Variants in SYN3 observed in about 807,000 individuals in gnomAD.
The protein encoded by SYN3 is synapsin III.
In SYN3, 35 loss-of-function variants were observed where a neutral mutation model predicts 65.8. The ratio of observed to expected loss-of-function variants is 0.53; its 90% CI spans 0.41 to 0.70. SYN3 has a LOEUF of 0.70. SYN3 is among the 30% of genes least tolerant of loss of function. SYN3 has a pLI of 0.00. For synonymous variants in SYN3, 270 were observed against 292.9 expected (o/e 0.92, Z 0.80); for missense variants, 680 against 749.0 (o/e 0.91, Z 1.08).
At chr22:32,566,990 G>C (rs2058680208) in intron 7 of SYN3, among the ~76,000 whole-genome samples, 1 of 152,136 alleles carries the variant, frequency 6.6e-6, no homozygotes, top group Admixed American at 6.5e-5. Context: ...GGGGCAGGCA[G>C]AGGTGCAGGA....
chr22:33,056,586 T>C (rs2054257825), intron 1 of SYN3, among the ~76,000 whole-genome samples: 1 of 152,236 alleles, frequency 6.6e-6, no homozygotes. Context: ...GAGACCTCTC[T>C]TGCACTGCAC....
intron 8 of SYN3, among the ~76,000 whole-genome samples, chr22:32,538,966 AC>A (rs1333847906): frequency 6.6e-6 from 1 of 152,060 alleles, no homozygotes; most frequent in Non-Finnish European, 1.5e-5. Context: ...CCCAGTAGGC[AC>A]CTACTGGGTG....
intron 6 of SYN3, among the ~76,000 whole-genome samples, chr22:32,649,470 T>G (rs1482514878): frequency 1.3e-5 from 2 of 152,216 alleles, no homozygotes; most frequent in Non-Finnish European, 2.9e-5. Flanking sequence ...CATTTACTAA[T>G]GAGGAAATTG....
chr22:33,018,664 C>T (rs1456950441), intron 1 of SYN3, among the ~76,000 whole-genome samples: 5 of 152,188 alleles, frequency 3.3e-5, no homozygotes, highest in Admixed American at 1.3e-4. Context: ...TGCCCCACAG[C>T]GGCAACAGCT....
chr22:33,024,560 A>T (rs989709138), intron 1 of SYN3, among the ~76,000 whole-genome samples: 2 of 152,198 alleles, frequency 1.3e-5, no homozygotes, highest in Admixed American at 1.3e-4. Context: ...CCAATCTTTG[A>T]TCTCACCCTT....
intron 6 of SYN3, among the ~76,000 whole-genome samples, chr22:32,745,485 G>T (rs2044904254): frequency 6.6e-6 from 1 of 152,192 alleles, no homozygotes; most frequent in Admixed American, 6.5e-5. Flanking sequence ...CTTGTCCAGG[G>T]AATGTGCAGC....
intron 2 of SYN3, among the ~76,000 whole-genome samples, chr22:33,001,312 T>C (rs765553100): frequency 2.6e-5 from 4 of 152,198 alleles, no homozygotes; most frequent in Non-Finnish European, 4.4e-5. Context: ...TGGTCCTTCC[T>C]GTGGAATAGA....
intron 1 of SYN3, among the ~76,000 whole-genome samples, chr22:33,053,721 C>A (rs919730107): frequency 6.6e-6 from 1 of 152,102 alleles, no homozygotes; most frequent in African/African-American, 2.4e-5. Flanking sequence ...TGGAAGCCTT[C>A]CCCAACCACC....
Position 32,795,514 on chromosome 22 carries a change from T to C in SYN3, c.711+69401A>G, listed in dbSNP as rs537133602. On this transcript the variant is annotated intron_variant, in intron 6 of 13. Coordinates refer to ENST00000358763, the MANE Select transcript of SYN3 (RefSeq NM_003490.4). ...GAGGCCATAGGATCTCTAGGTGAAA[T>C]TGGGCAGGAGGAAGTTGGAGATAGA... is the stretch of plus-strand genomic sequence containing the variant. 4.6e-5 allele frequency among the ~76,000 whole-genome samples: 7 copies of C among 152,204 alleles called. No individual in the cohort carries two copies. The East Asian group carries it at 1.2e-3, about 25-fold the overall frequency.
chr22:32,661,454 A>G (rs2060215519), intron 6 of SYN3, among the ~76,000 whole-genome samples: 1 of 152,242 alleles, frequency 6.6e-6, no homozygotes, highest in African/African-American at 2.4e-5. Context: ...CAATGGGGGA[A>G]TTGTCTGTAG....
At chr22:32,826,225 T>C (rs2047408139) in intron 6 of SYN3, among the ~76,000 whole-genome samples, 1 of 152,274 alleles carries the variant, frequency 6.6e-6, no homozygotes, top group African/African-American at 2.4e-5. Context: ...GGTCAGGAGT[T>C]TGAGACCAGG....
chr22:32,636,653 A>T (rs181631284), intron 6 of SYN3, among the ~76,000 whole-genome samples: 4 of 152,306 alleles, frequency 2.6e-5, no homozygotes, highest in Non-Finnish European at 2.9e-5. Context: ...ACTGGGCAGA[A>T]AACTTGGCCT....
rs1191483177 is a variant in SYN3 at position 32,541,723 on chromosome 22, A to G, written c.775-10T>C. 1 of 1,612,530 alleles carries G rather than the reference A, an allele frequency of 6.2e-7. No homozygotes were observed. Among genetic ancestry groups the G allele is most frequent in the Non-Finnish European group, 8.5e-7 (1 of 1,179,246 alleles). Reference sequence around the variant, plus strand: ...GGTTTTCCACTTTGATCTGTGTGGGAGGATGAGGGGGATGAGTGCCACCCA... The same window carrying G: ...GGTTTTCCACTTTGATCTGTGTGGGGGGATGAGGGGGATGAGTGCCACCCA... On this transcript the variant is annotated splice_polypyrimidine_tract_variant and intron_variant, in intron 7 of 13. Coordinates refer to ENST00000358763, the MANE Select transcript of SYN3 (RefSeq NM_003490.4).
intron 6 of SYN3, among the ~76,000 whole-genome samples, chr22:32,771,150 C>T (rs1214289094): frequency 2.0e-5 from 3 of 152,140 alleles, no homozygotes; most frequent in East Asian, 1.9e-4. Context: ...TGGGTGACAA[C>T]ATGTAGTGTT....
intron 6 of SYN3, among the ~76,000 whole-genome samples, chr22:32,780,371 A>G (rs535320195): frequency 6.6e-6 from 1 of 152,250 alleles, no homozygotes; most frequent in Admixed American, 6.5e-5. Context: ...TAGGAGATGG[A>G]GACAGAGCAG....
intron 6 of SYN3, among the ~76,000 whole-genome samples, chr22:32,759,493 T>C (rs947839957): frequency 2.0e-5 from 3 of 152,166 alleles, no homozygotes; most frequent in Non-Finnish European, 4.4e-5. Flanking sequence ...AATCAGCCTG[T>C]GACTAGACTA....
intron 12 of SYN3, among the ~76,000 whole-genome samples, chr22:32,526,394 T>C (rs1043560602): frequency 7.2e-5 from 11 of 152,166 alleles, no homozygotes; most frequent in South Asian, 4.1e-4. Context: ...AGGAAGCCAT[T>C]TGGTGGCCAA....
intron 6 of SYN3, among the ~76,000 whole-genome samples, chr22:32,696,075 C>G (rs1275966934): frequency 1.3e-5 from 2 of 152,174 alleles, no homozygotes; most frequent in Non-Finnish European, 1.5e-5. Context: ...ATATTCATTT[C>G]TCACTAGTGT....
intron 6 of SYN3, among the ~76,000 whole-genome samples, chr22:32,600,473 C>T (rs118162169): frequency 0.013 from 1,939 of 152,038 alleles, 29 homozygotes; most frequent in Middle Eastern, 0.034. Flanking sequence ...GGTCTGTGGC[C>T]CAGAGGTGGG....
Sources: allele counts gnomAD v4.1 joint callset (sites outside exome capture counted in the v4.1 genomes callset), GRCh38; gene constraint gnomAD v4.1.1; transcripts MANE v1.5; gene names NCBI Gene and HGNC (gene_info 2026-07-23, HGNC 2026-07-21).